CCDC160: variants seen among roughly 807,000 people sequenced by gnomAD.
CCDC160 encodes the protein coiled-coil domain-containing protein 160.
For synonymous variants in CCDC160, 94 were observed against 79.4 expected (o/e 1.18, Z -0.98); for missense variants, 227 against 215.6 (o/e 1.05, Z -0.33).
At chrX:134,243,257 T>C in intron 1 of CCDC160, 1 of 470,993 alleles carries the variant, frequency 2.1e-6, no homozygotes, top group Non-Finnish European at 2.6e-6. Context: ...ATCATTTTAG[T>C]ACCTTCACTG....
At chrX:134,244,380 C>CCAAA (rs2077035776) in intron 1 of CCDC160, among the ~76,000 whole-genome samples, 1 of 112,456 alleles carries the variant, frequency 8.9e-6, no homozygotes, top group Non-Finnish European at 1.9e-5. Context: ...AGAAAGGCAT[C>CCAAA]AGACACATTG....
chrX:134,239,220 A>G (rs2077019928), intron 1 of CCDC160, among the ~76,000 whole-genome samples: 1 of 112,171 alleles, frequency 8.9e-6, no homozygotes, highest in African/African-American at 3.2e-5. Flanking sequence ...ATGCCAGGCC[A>G]TCATAGCATA....
intron 1 of CCDC160, among the ~76,000 whole-genome samples, chrX:134,243,595 A>G (rs1254380534): frequency 1.8e-5 from 2 of 112,273 alleles, no homozygotes; most frequent in Non-Finnish European, 3.8e-5. Flanking sequence ...GTTCTCCAAA[A>G]TTGTTATAAT....
At chrX:134,245,863 T>TTTTAA, downstream of CCDC160, 3 of 601,758 alleles carry the variant, frequency 5.0e-6, no homozygotes, top group Non-Finnish European at 4.8e-6. Flanking sequence ...TTAAAATATA[T>TTTTAA]GTAATAGGAT....
downstream of CCDC160, among the ~76,000 whole-genome samples, chrX:134,246,548 C>T (rs1047036068): frequency 3.6e-5 from 4 of 111,817 alleles, no homozygotes; most frequent in East Asian, 8.4e-4. Context: ...AAGCTTCCTC[C>T]CCGGCTTACA....
downstream of CCDC160, chrX:134,246,097 A>G (rs1351261241): frequency 7.3e-6 from 1 of 136,179 alleles, no homozygotes; most frequent in Non-Finnish European, 1.4e-5. Flanking sequence ...ATGAATACAA[A>G]TCAGCAATTT....
chrX:134,246,194 G>T (rs2077042912), downstream of CCDC160: 1 of 114,013 alleles, frequency 8.8e-6, no homozygotes, highest in Non-Finnish European at 1.8e-5. Context: ...TCTTGTTTAT[G>T]TGTATAAGCC....
At chrX:134,237,500 G>A (rs961550127) in intron 1 of CCDC160, among the ~76,000 whole-genome samples, 157 bp downstream of exon 1, 4 of 112,337 alleles carry the variant, frequency 3.6e-5, no homozygotes, top group Non-Finnish European at 7.5e-5. Flanking sequence ...CCAGGCCGGG[G>A]CTGGAGAGCG....
At chrX:134,246,571 G>A (rs1437334228), downstream of CCDC160, among the ~76,000 whole-genome samples, 3 of 112,009 alleles carry the variant, frequency 2.7e-5, no homozygotes, top group Non-Finnish European at 3.8e-5. Flanking sequence ...ACAAGTTGGC[G>A]GGGACTGTGG....
exon 1 of CCDC160, chrX:134,237,213 G>A (rs2077011738): frequency 8.8e-6 from 1 of 113,647 alleles, no homozygotes; most frequent in Admixed American, 9.1e-5. Flanking sequence ...GCTGCACTGC[G>A]GTGGCTCAGC....
intron 1 of CCDC160, chrX:134,243,244 C>G (rs2077032798): frequency 2.7e-6 from 1 of 371,195 alleles, no homozygotes; most frequent in African/African-American, 2.8e-5. Flanking sequence ...GGCTTTTGGA[C>G]CAATCATTTT....
At chrX:134,245,726 C>T (rs1461425736) in exon 2 of CCDC160, 1 of 1,176,702 alleles carries the variant, frequency 8.5e-7, no homozygotes. Context: ...TATGCTTCTT[C>T]AATGGTAACA....
At chrX:134,242,320 G>A in intron 1 of CCDC160, among the ~76,000 whole-genome samples, 1 of 111,489 alleles carries the variant, frequency 9.0e-6, no homozygotes, top group East Asian at 2.8e-4. Flanking sequence ...TCAATATGGG[G>A]AATGAAACCT....
At chrX:134,243,652 T>C (rs2077033850) in intron 1 of CCDC160, among the ~76,000 whole-genome samples, 1 of 112,423 alleles carries the variant, frequency 8.9e-6, no homozygotes, top group Non-Finnish European at 1.9e-5. Flanking sequence ...ATTTGCCATT[T>C]CTCATTACCA....
chrX:134,242,564 AGTGTGT>A (rs371345902), intron 1 of CCDC160, among the ~76,000 whole-genome samples: 11 of 104,930 alleles, frequency 1.0e-4, no homozygotes, highest in African/African-American at 6.9e-5. Flanking sequence ...AAAATTAAAA[AGTGTGT>A]GTGTGTGTGT....
rs370691264 is a variant in CCDC160 at position 134,244,867 on chromosome X, C to G, written c.67C>G (p.Leu23Val). 2.5e-6 allele frequency: 3 copies of G among 1,195,369 alleles called. No homozygotes were observed. In the African/African-American group the frequency reaches 5.3e-5, roughly 21 times the overall value. The stretch of plus-strand genomic sequence containing the variant: ...TCCTTTTTTTAGTGCACAAGATGTT[C>G]TAGAAGAGACTTCTGAGCCTGAATC... Residue 23 changes from leucine (L) to valine (V), a missense_variant, in exon 2 of 2, where the codon CTA becomes GTA. Leu to Val is a conservative substitution (Grantham distance 32). Transcript: ENST00000370809.
chrX:134,239,737 C>G (rs149339303), intron 1 of CCDC160, among the ~76,000 whole-genome samples: 1,889 of 111,375 alleles, frequency 0.017, 23 homozygotes, highest in Admixed American at 0.043. Context: ...TGAAAATGAA[C>G]AAAACCCATT....
chrX:134,238,912 T>C (rs771973261), intron 1 of CCDC160, 72 bp downstream of exon 2: 2 of 111,331 alleles, frequency 1.8e-5, no homozygotes, highest in South Asian at 7.9e-4. Context: ...AACATAACTC[T>C]TCAGCCTTGT....
chrX:134,239,841 C>G (rs2077021751), intron 1 of CCDC160, among the ~76,000 whole-genome samples: 1 of 111,806 alleles, frequency 8.9e-6, no homozygotes, highest in Admixed American at 9.5e-5. Context: ...TATTTTACAC[C>G]TGAAGAATCT....
Sources: allele counts gnomAD v4.1 joint callset (sites outside exome capture counted in the v4.1 genomes callset), GRCh38; gene constraint gnomAD v4.1.1; transcripts MANE v1.5; gene names NCBI Gene and HGNC (gene_info 2026-07-23, HGNC 2026-07-21).